RHBDL2: variants seen among roughly 807,000 people sequenced by gnomAD.
RHBDL2 encodes the protein rhomboid like 2.
RHBDL2 carries 26 observed loss-of-function variants against 31.7 expected under a neutral mutation model. The ratio of observed to expected loss-of-function variants is 0.82; its 90% CI spans 0.60 to 1.14. The LOEUF (loss-of-function observed/expected upper bound fraction) is 1.14. Ranked by LOEUF, RHBDL2 falls within the 50% of genes most tolerant of loss-of-function variation. RHBDL2 has a pLI of 0.00. For synonymous variants in RHBDL2, 123 were observed against 127.2 expected (o/e 0.97, Z 0.22); for missense variants, 336 against 364.4 (o/e 0.92, Z 0.63).
Position 38,915,682 on chromosome 1 carries a change from C to T in RHBDL2, c.275G>A (p.Trp92Ter). ...CGTGATCCACTGTTTCTGAGGCTTC[C>T]ACACAGCATAGTAAATAAACACTGC... ...ELAVFIYYAV[W>*]KPQKQWITLD... Residue 92 changes from tryptophan to a stop codon, truncating the protein, a stop_gained, in exon 3 of 8, where the codon TGG becomes TAG. Coordinates refer to ENST00000372990, the MANE Select transcript of RHBDL2 (RefSeq NM_017821.5). LOFTEE classifies it high-confidence loss of function. 2 of 1,614,144 alleles carry T rather than the reference C, an allele frequency of 1.2e-6. No individual in the cohort carries two copies. The highest frequency in any genetic ancestry group is 1.7e-6 in the Non-Finnish European group (2 of 1,180,020).
chr1:38,899,095 T>C (rs1642956621), intron 4 of RHBDL2, among the ~76,000 whole-genome samples: 1 of 152,330 alleles, frequency 6.6e-6, no homozygotes. Context: ...CCTTTCTGAC[T>C]TCTAGGGATA....
At chr1:38,936,770 G>C (rs944138648) in intron 1 of RHBDL2, among the ~76,000 whole-genome samples, 6 of 151,846 alleles carry the variant, frequency 4.0e-5, no homozygotes, top group Non-Finnish European at 7.4e-5. Flanking sequence ...AAAGTGCTGG[G>C]ATTACAAGTG....
At chr1:38,925,361 G>C (rs1184174004) in intron 1 of RHBDL2, among the ~76,000 whole-genome samples, 3 of 152,038 alleles carry the variant, frequency 2.0e-5, no homozygotes. Flanking sequence ...AGCCGGCAGT[G>C]GTGGCATGTG....
At chr1:38,935,056 G>C (rs1485007873) in intron 1 of RHBDL2, among the ~76,000 whole-genome samples, 2 of 152,076 alleles carry the variant, frequency 1.3e-5, no homozygotes, top group African/African-American at 4.8e-5. Context: ...TCGGCTCCAA[G>C]ATCAAATTTT....
At chr1:38,937,673 C>G (rs1007422773) in intron 1 of RHBDL2, among the ~76,000 whole-genome samples, 5 of 152,104 alleles carry the variant, frequency 3.3e-5, no homozygotes, top group African/African-American at 1.2e-4. Context: ...ACACCTCCAT[C>G]TCTAGCTCTC....
At chr1:38,913,870 G>A (rs1170389355) in intron 3 of RHBDL2, among the ~76,000 whole-genome samples, 1 of 152,136 alleles carries the variant, frequency 6.6e-6, no homozygotes, top group Non-Finnish European at 1.5e-5. Context: ...TGTAATCCCA[G>A]CACTTTGGGA....
intron 1 of RHBDL2, among the ~76,000 whole-genome samples, chr1:38,922,506 C>T (rs928377258): frequency 7.9e-5 from 8 of 100,740 alleles, no homozygotes; most frequent in South Asian, 7.6e-4. Flanking sequence ...TGGGCTCAAG[C>T]GATCCTCCCG....
intron 1 of RHBDL2, among the ~76,000 whole-genome samples, chr1:38,922,219 C>T (rs1432362063): frequency 6.6e-6 from 1 of 151,194 alleles, no homozygotes; most frequent in South Asian, 2.1e-4. Flanking sequence ...CTACTTCAGG[C>T]TCTAGCACCA....
chr1:38,916,400 A>G (rs74067177), intron 2 of RHBDL2, among the ~76,000 whole-genome samples: 3,527 of 152,336 alleles, frequency 0.023, 141 homozygotes, highest in African/African-American at 0.078. Context: ...AGAAGTTGCC[A>G]TAGATCAGAG....
At chr1:38,912,910 A>ATATATATATGTGTGTGTGTGTGTG (rs1399583863) in intron 3 of RHBDL2, among the ~76,000 whole-genome samples, 1 of 41,390 alleles carries the variant, frequency 2.4e-5, no homozygotes, top group African/African-American at 9.2e-5. Context: ...ATATATATAT[A>ATATATATATGTGTGTGTGTGTGTG]TGTGTGTGTG....
intron 5 of RHBDL2, among the ~76,000 whole-genome samples, chr1:38,894,512 G>A (rs1318706630): frequency 1.3e-5 from 2 of 151,546 alleles, no homozygotes; most frequent in Non-Finnish European, 2.9e-5. Flanking sequence ...TAGTAGAGAC[G>A]GGGTTTCACC....
chr1:38,914,742 C>T (rs951220044), intron 3 of RHBDL2, among the ~76,000 whole-genome samples: 4 of 151,826 alleles, frequency 2.6e-5, no homozygotes, highest in Non-Finnish European at 5.9e-5. Flanking sequence ...ATAAAGTATA[C>T]TGGCCTTAAG....
intron 3 of RHBDL2, among the ~76,000 whole-genome samples, chr1:38,913,064 C>A (rs1311320416): frequency 4.0e-5 from 6 of 150,390 alleles, no homozygotes; most frequent in African/African-American, 1.2e-4. Flanking sequence ...CTCACTGCAA[C>A]CTCCACCTCC....
chr1:38,919,472 T>C (rs1287594309), intron 1 of RHBDL2, 135 bp from the exon 2 acceptor site: 1 of 712,500 alleles, frequency 1.4e-6, no homozygotes, highest in African/African-American at 1.8e-5. Flanking sequence ...CTACCATGTA[T>C]CAGCTGTAAG....
At chr1:38,887,254 C>T (rs769239701) in intron 7 of RHBDL2, among the ~76,000 whole-genome samples, 5 of 152,134 alleles carry the variant, frequency 3.3e-5, no homozygotes, top group African/African-American at 7.2e-5. Flanking sequence ...TCAACTCTGT[C>T]GCCCAGGCTG....
At chr1:38,912,988 T>G (rs1409510697) in intron 3 of RHBDL2, among the ~76,000 whole-genome samples, 13 of 98,994 alleles carry the variant, frequency 1.3e-4, no homozygotes, top group Admixed American at 3.3e-4. Flanking sequence ...GTGTGTATTT[T>G]TTTTTTTTTC....
intron 4 of RHBDL2, among the ~76,000 whole-genome samples, chr1:38,907,383 T>C (rs1458899913): frequency 2.6e-5 from 4 of 151,710 alleles, no homozygotes; most frequent in African/African-American, 9.7e-5. Flanking sequence ...CTAATAAAAA[T>C]ACAAAAATTA....
intron 3 of RHBDL2, among the ~76,000 whole-genome samples, chr1:38,914,575 A>G (rs946804580): frequency 3.3e-5 from 5 of 151,922 alleles, no homozygotes; most frequent in Non-Finnish European, 7.4e-5. Context: ...ATGATGGTGG[A>G]GGAGGAGACT....
chr1:38,926,333 C>T, intron 1 of RHBDL2: 1 of 333,870 alleles, frequency 3.0e-6, no homozygotes, highest in Non-Finnish European at 4.4e-6. Flanking sequence ...ACTGGGCGTT[C>T]AGCAGCAGCA....
Sources: gnomAD v4.1 joint callset for allele counts (sites outside exome capture counted in the v4.1 genomes callset) on GRCh38, gnomAD v4.1.1 for gene constraint, MANE v1.5 for transcripts, NCBI Gene and HGNC (gene_info 2026-07-23, HGNC 2026-07-21) for gene names.